KIRREL3: variants seen among roughly 807,000 people sequenced by gnomAD.
The protein encoded by KIRREL3 is kin of IRRE-like protein 3.
KIRREL3 carries 36 observed loss-of-function variants against 89.7 expected under a neutral mutation model. The observed-to-expected ratio is 0.40, with a 90% CI of 0.31 to 0.53. The LOEUF is 0.53. KIRREL3 is among the 20% of genes least tolerant of loss of function. KIRREL3 has a pLI of 0.49. For missense variants in KIRREL3, 864 were observed against 1,056.6 expected (o/e 0.82, Z 2.53); for synonymous variants, 445 against 441.4 (o/e 1.01, Z -0.10).
At chr11:126,663,346 C>T (rs963371471) in intron 1 of KIRREL3, among the ~76,000 whole-genome samples, 8 of 151,802 alleles carry the variant, frequency 5.3e-5, no homozygotes, top group Admixed American at 6.6e-5. Flanking sequence ...CCACCACACC[C>T]GGCTAATTTT....
At chr11:126,444,897 C>A in intron 10 of KIRREL3, 82 bp downstream of exon 10, 2 of 1,583,814 alleles carry the variant, frequency 1.3e-6, no homozygotes, top group South Asian at 2.2e-5. Context: ...GCGACAGCTC[C>A]TTTGGGGCTA....
intron 1 of KIRREL3, among the ~76,000 whole-genome samples, chr11:126,889,429 C>T (rs1039353359): frequency 3.3e-5 from 5 of 152,118 alleles, no homozygotes; most frequent in African/African-American, 1.2e-4. Flanking sequence ...TGAGGAATAT[C>T]CCATTGTGTG....
Position 126,642,269 on chromosome 11 carries a change from C to G in KIRREL3, c.56-79357G>C, listed in dbSNP as rs1944500051. Among the ~76,000 whole-genome samples the G allele has an allele frequency of 6.6e-6, 1 of 152,232 alleles. No homozygotes were observed. The highest frequency in any genetic ancestry group is 6.5e-5 in the Admixed American group (1 of 15,286). ...CATTGGGGTTGGTGGTTAGTTCTCA[C>G]TTTCCCCATTTCTGAGACCAGCAAG... On this transcript the variant is annotated intron_variant, in intron 1 of 16. Transcript: ENST00000525144. This position sits in a 1 kb window ranked among gnomAD's most constrained non-coding sequence, Gnocchi z 4.9.
intron 1 of KIRREL3, among the ~76,000 whole-genome samples, chr11:126,968,997 A>G (rs2135206781): frequency 6.6e-6 from 1 of 152,272 alleles, no homozygotes; most frequent in East Asian, 1.9e-4. Context: ...ATTTTTGAGT[A>G]TCTCTGCAGA....
intron 1 of KIRREL3, among the ~76,000 whole-genome samples, chr11:126,818,048 G>A (rs1040838829): frequency 5.9e-5 from 9 of 152,318 alleles, no homozygotes; most frequent in Non-Finnish European, 8.8e-5. Flanking sequence ...TATTAGGAAC[G>A]TTTCGAGGAT....
chr11:126,435,400 G>A (rs1458954445), intron 12 of KIRREL3, 97 bp from the exon 13 acceptor site: 2 of 1,245,322 alleles, frequency 1.6e-6, no homozygotes, highest in Non-Finnish European at 2.3e-6. Flanking sequence ...TGGGTGAGGG[G>A]CTCCTTTCCC....
intron 1 of KIRREL3, among the ~76,000 whole-genome samples, chr11:126,919,727 C>CAGTA (rs1242609017): frequency 6.6e-6 from 1 of 152,182 alleles, no homozygotes; most frequent in Admixed American, 6.5e-5. Flanking sequence ...GATATGTGCA[C>CAGTA]AGTAAGCATG....
At chr11:126,845,406 T>G (rs1446922436) in intron 1 of KIRREL3, among the ~76,000 whole-genome samples, 2 of 152,156 alleles carry the variant, frequency 1.3e-5, no homozygotes, top group African/African-American at 4.8e-5. Flanking sequence ...CTGTTCAAAG[T>G]TTTTATTAAT....
chr11:126,549,486 C>T (rs1020553077), intron 2 of KIRREL3: 4 of 152,170 alleles, frequency 2.6e-5, no homozygotes, highest in Admixed American at 1.3e-4. Context: ...TCATCTCAGC[C>T]TGAACCTGCT....
At chr11:126,700,110 C>A (rs1421540586) in intron 1 of KIRREL3, among the ~76,000 whole-genome samples, 1 of 151,716 alleles carries the variant, frequency 6.6e-6, no homozygotes, top group Non-Finnish European at 1.5e-5. Context: ...AGGAGGATGG[C>A]TTGATTCCAG....
chr11:126,432,805 T>C lies in KIRREL3; in HGVS notation c.1589-1279A>G, dbSNP rs7933862. On this transcript the variant is annotated intron_variant, in intron 13 of 16. Coordinates refer to ENST00000525144, the MANE Select transcript of KIRREL3 (RefSeq NM_032531.4). The surrounding 1 kb of genome is among the most constrained non-coding windows in gnomAD (Gnocchi z 6.2). Reference sequence around the variant, plus strand: ...AGCTGGGTGAATGTGGGCAGAGGCCTTGGAGCAGAGCCTGGCACCCAGCCC... The same window carrying C: ...AGCTGGGTGAATGTGGGCAGAGGCCCTGGAGCAGAGCCTGGCACCCAGCCC... Among the ~76,000 whole-genome samples the C allele has an allele frequency of 7.5e-4, 114 of 152,294 alleles. No homozygotes were observed. Among genetic ancestry groups the C allele is most frequent in the African/African-American group, 2.4e-3 (101 of 41,564 alleles).
rs768288867 is a variant in KIRREL3 at position 126,994,983 on chromosome 11, T to A, written c.55+5472A>T. ...TTTCTCTTGGGAAAAGAAAATGACA[T>A]GCAATGACGTATGGAACAGTACTGT... On this transcript the variant is annotated intron_variant, in intron 1 of 16. Coordinates refer to ENST00000525144, the MANE Select transcript of KIRREL3 (RefSeq NM_032531.4). This position sits in a 1 kb window ranked among gnomAD's most constrained non-coding sequence, Gnocchi z 5.2. The A allele has an allele frequency of 5.8e-6, 2 of 344,788 alleles. No individual in the cohort carries two copies. Among genetic ancestry groups the A allele is most frequent in the African/African-American group, 2.2e-5 (1 of 46,456 alleles). 21.4% of individuals were successfully genotyped at this position (344,788 alleles called of 1,614,324 possible).
At chr11:126,556,407 C>G (rs1939708517) in intron 2 of KIRREL3, among the ~76,000 whole-genome samples, 1 of 151,972 alleles carries the variant, frequency 6.6e-6, no homozygotes. Flanking sequence ...TTGGGAGGCC[C>G]AGGTGGGAGG....
chr11:126,660,050 C>A (rs534660970), intron 1 of KIRREL3, among the ~76,000 whole-genome samples: 1 of 152,268 alleles, frequency 6.6e-6, no homozygotes, highest in East Asian at 1.9e-4. Context: ...AATTGCGCAG[C>A]TTGTGGAGTG....
At chr11:126,467,981 G>T (rs1307810312) in intron 5 of KIRREL3, among the ~76,000 whole-genome samples, 1 of 152,198 alleles carries the variant, frequency 6.6e-6, no homozygotes, top group Non-Finnish European at 1.5e-5. Context: ...GGGGTCTCCA[G>T]AGCTCCTCTT....
At chr11:126,717,531 G>T (rs1948012922) in intron 1 of KIRREL3, among the ~76,000 whole-genome samples, 1 of 152,194 alleles carries the variant, frequency 6.6e-6, no homozygotes, top group South Asian at 2.1e-4. Context: ...TGCTCAGGCA[G>T]GTTGGCGTGG....
Position 126,522,459 on chromosome 11 carries a change from C to T in KIRREL3, c.284-995G>A, listed in dbSNP as rs568961751. ...ACCCTGTCTAGTCATTCCTCCTGTC[C>T]CGCCAGAAGCCCCAGGTCCTGGTGA... is the stretch of plus-strand genomic sequence containing the variant. On this transcript the variant is annotated intron_variant, in intron 3 of 16. Coordinates refer to ENST00000525144, the MANE Select transcript of KIRREL3 (RefSeq NM_032531.4). This position sits in a 1 kb window ranked among gnomAD's most constrained non-coding sequence, Gnocchi z 6.0. Among the ~76,000 whole-genome samples the T allele has an allele frequency of 6.6e-6, 1 of 152,298 alleles. No homozygotes were observed. Among genetic ancestry groups the T allele is most frequent in the African/African-American group, 2.4e-5 (1 of 41,566 alleles).
intron 1 of KIRREL3, among the ~76,000 whole-genome samples, chr11:126,649,695 G>A (rs745478042): frequency 5.3e-5 from 8 of 152,180 alleles, no homozygotes; most frequent in Admixed American, 1.3e-4. Flanking sequence ...CCTCCCAGCT[G>A]CTTTCACAGG....
chr11:126,616,905 G>T (rs904872499), intron 1 of KIRREL3, among the ~76,000 whole-genome samples: 2 of 152,240 alleles, frequency 1.3e-5, no homozygotes, highest in Admixed American at 1.3e-4. Context: ...GCCTCCCAAA[G>T]TGTTGGGATT....
Sources: allele counts gnomAD v4.1 joint callset (sites outside exome capture counted in the v4.1 genomes callset), GRCh38; gene constraint gnomAD v4.1.1; non-coding constraint Gnocchi (gnomAD v3.1); transcripts MANE v1.5; gene names NCBI Gene and HGNC (gene_info 2026-07-23, HGNC 2026-07-21).